DMD: variants seen among roughly 807,000 people sequenced by gnomAD.
DMD encodes the protein mutant dystrophin.
A neutral mutation model predicts 330.1 loss-of-function variants in DMD; 63 were observed. That is an observed-to-expected ratio of 0.19 (90% CI 0.16 to 0.24). DMD has a LOEUF of 0.24. Ranked by LOEUF, DMD falls within the 10% of genes least tolerant of loss-of-function variation. The pLI, the probability that DMD is intolerant of heterozygous loss-of-function variation, is 1.00. For synonymous variants in DMD, 1,223 were observed against 959.8 expected (o/e 1.27, Z -5.07); for missense variants, 3,344 against 2,684.1 (o/e 1.25, Z -5.43).
chrX:31,616,328 GA>G (rs1482908501), intron 55 of DMD, among the ~76,000 whole-genome samples: 1 of 111,368 alleles, frequency 9.0e-6, no homozygotes, highest in Non-Finnish European at 1.9e-5. Flanking sequence ...AAGCTTAGAT[GA>G]AAAAAAGGAA....
intron 47 of DMD, among the ~76,000 whole-genome samples, chrX:31,906,032 C>A (rs934900577): frequency 1.3e-4 from 14 of 111,821 alleles, no homozygotes; most frequent in Non-Finnish European, 2.3e-4. Context: ...GTTCCCATAA[C>A]CCCCACACGT....
chrX:31,684,397 T>A (rs537685412), intron 52 of DMD, among the ~76,000 whole-genome samples: 1 of 111,740 alleles, frequency 8.9e-6, no homozygotes, highest in Non-Finnish European at 1.9e-5. Flanking sequence ...GTATTGAACA[T>A]TAACTAACTA....
At chrX:33,163,405 A>G (rs1029819183) in intron 1 of DMD, among the ~76,000 whole-genome samples, 6 of 109,132 alleles carry the variant, frequency 5.5e-5, no homozygotes, top group Admixed American at 9.9e-5. Context: ...GCATGGTGGC[A>G]CACGACTGTA....
chrX:31,846,865 A>G (rs1422412185), intron 48 of DMD, among the ~76,000 whole-genome samples: 1 of 111,853 alleles, frequency 8.9e-6, no homozygotes, highest in Admixed American at 9.5e-5. Context: ...GAATTTCCTT[A>G]AGACATCCAC....
intron 54 of DMD, among the ~76,000 whole-genome samples, chrX:31,644,736 A>G (rs2079980218): frequency 8.9e-6 from 1 of 111,948 alleles, no homozygotes; most frequent in Non-Finnish European, 1.9e-5. Flanking sequence ...TAGAACTTTG[A>G]CTTTCAATTC....
intron 43 of DMD, among the ~76,000 whole-genome samples, chrX:32,267,756 AC>A (rs766587326): frequency 8.9e-5 from 10 of 112,445 alleles, no homozygotes; most frequent in East Asian, 8.4e-4. Context: ...ATAGTAAAAG[AC>A]AAATTCAAGT....
At chrX:32,335,901 C>T (rs751763078) in intron 41 of DMD, among the ~76,000 whole-genome samples, 2 of 103,737 alleles carry the variant, frequency 1.9e-5, no homozygotes, top group African/African-American at 3.5e-5. Context: ...ACATGTTATA[C>T]ATATAACGTG....
At chrX:32,032,788 C>A (rs893315953) in intron 44 of DMD, among the ~76,000 whole-genome samples, 2 of 111,830 alleles carry the variant, frequency 1.8e-5, no homozygotes, top group Non-Finnish European at 3.8e-5. Context: ...ACTCCCTGGG[C>A]AAATGTTTCA....
At chrX:31,600,965 T>C (rs2077336796) in intron 55 of DMD, among the ~76,000 whole-genome samples, 2 of 110,516 alleles carry the variant, frequency 1.8e-5, no homozygotes, top group Admixed American at 9.7e-5. Flanking sequence ...TGTAGTGCCT[T>C]GTAAATAAAG....
chrX:32,387,251 A>C (rs1413029485), intron 32 of DMD, among the ~76,000 whole-genome samples: 1 of 111,151 alleles, frequency 9.0e-6, no homozygotes, highest in Non-Finnish European at 1.9e-5. Context: ...TTATACCACC[A>C]ACACCACTCC....
chrX:32,186,807 T>C (rs1451605851), intron 44 of DMD, among the ~76,000 whole-genome samples: 1 of 110,970 alleles, frequency 9.0e-6, no homozygotes, highest in Non-Finnish European at 1.9e-5. Context: ...AAATGGACCT[T>C]TTATGAACGT....
At chrX:31,904,637 AG>A (rs2149829578) in intron 47 of DMD, among the ~76,000 whole-genome samples, 1 of 111,793 alleles carries the variant, frequency 8.9e-6, no homozygotes, top group Non-Finnish European at 1.9e-5. Context: ...CAACAAGAAA[AG>A]GAAGACTACA....
Position 32,960,026 on chromosome X carries a change from A to C in DMD, c.93+60113T>G, listed in dbSNP as rs141933303. On this transcript the variant is annotated intron_variant, in intron 2 of 78. Coordinates refer to ENST00000357033, the MANE Select transcript of DMD (RefSeq NM_004006.3). Reference sequence around the variant, plus strand: ...TAACTGCCTGCCCTCTAGACTCAACAAATAGGATTTATATTCTTCTCCAAC... The same window carrying C: ...TAACTGCCTGCCCTCTAGACTCAACCAATAGGATTTATATTCTTCTCCAAC... Among the ~76,000 whole-genome samples the C allele has an allele frequency of 3.7e-3, 412 of 111,732 alleles. 1 individual carries two copies. The highest frequency in any genetic ancestry group is 0.013 in the African/African-American group (390 of 30,768).
chrX:32,052,767 A>G (rs779809616), intron 44 of DMD, among the ~76,000 whole-genome samples: 1 of 111,317 alleles, frequency 9.0e-6, no homozygotes, highest in Admixed American at 9.6e-5. Context: ...AAGGAAATCT[A>G]AAGCTGACAT....
chrX:32,712,371 C>T (rs965224392), intron 7 of DMD, among the ~76,000 whole-genome samples: 9 of 111,198 alleles, frequency 8.1e-5, no homozygotes, highest in African/African-American at 9.8e-5. Context: ...ACACATTTGT[C>T]GTAGATATGT....
At chrX:32,587,818 T>C (rs2054463043) in intron 13 of DMD, among the ~76,000 whole-genome samples, 1 of 112,003 alleles carries the variant, frequency 8.9e-6, no homozygotes, top group Admixed American at 9.5e-5. Context: ...TAGTAACTAA[T>C]ATTATTATTG....
At chrX:31,337,877 CGAA>C (rs781147601) in intron 61 of DMD, among the ~76,000 whole-genome samples, 8 of 111,656 alleles carry the variant, frequency 7.2e-5, no homozygotes, top group Non-Finnish European at 1.3e-4. Flanking sequence ...AAGTCCGTGA[CGAA>C]GGAGTGGTGG....
intron 7 of DMD, among the ~76,000 whole-genome samples, chrX:32,741,559 T>A (rs2069275530): frequency 9.0e-6 from 1 of 111,550 alleles, no homozygotes. Flanking sequence ...ACAGAATTAA[T>A]AGCTGCCTTA....
intron 45 of DMD, among the ~76,000 whole-genome samples, chrX:31,934,304 G>T (rs2094896330): frequency 9.0e-6 from 1 of 111,272 alleles, no homozygotes. Context: ...TCAGAATCTG[G>T]TTATTGGACT....
Sources: allele counts gnomAD v4.1 joint callset (sites outside exome capture counted in the v4.1 genomes callset), GRCh38; gene constraint gnomAD v4.1.1; transcripts MANE v1.5; gene names NCBI Gene and HGNC (gene_info 2026-07-23, HGNC 2026-07-21).